The following CACNB4 variants were observed in gnomAD, a reference collection of about 807,000 sequenced individuals.
CACNB4 encodes the protein voltage-dependent L-type calcium channel subunit beta-4.
Under a neutral mutation model 71.2 loss-of-function variants are expected in CACNB4, and 32 were observed. That is an observed-to-expected ratio of 0.45 (90% CI 0.34 to 0.60). The LOEUF is 0.60. CACNB4 is among the 20% of genes least tolerant of loss of function. The pLI, the probability that CACNB4 is intolerant of heterozygous loss-of-function variation, is 0.01. For synonymous variants in CACNB4, 231 were observed against 236.9 expected (o/e 0.97, Z 0.23); for missense variants, 464 against 647.9 (o/e 0.72, Z 3.08).
At chr2:151,869,292 A>G in intron 8 of CACNB4, 57 bp from the exon 9 acceptor site, 4 of 1,010,194 alleles carry the variant, frequency 4.0e-6, no homozygotes, top group Non-Finnish European at 6.1e-6. Flanking sequence ...GAGAGAGAGA[A>G]GTCAAAAGGG....
At chr2:151,985,563 C>A (rs1436993134) in intron 2 of CACNB4, among the ~76,000 whole-genome samples, 1 of 152,116 alleles carries the variant, frequency 6.6e-6, no homozygotes, top group Non-Finnish European at 1.5e-5. Flanking sequence ...ATGTGAAGTA[C>A]CAACTCTCAG....
intron 5 of CACNB4, among the ~76,000 whole-genome samples, chr2:151,875,597 G>T (rs1318616176): frequency 4.7e-5 from 7 of 147,606 alleles, no homozygotes; most frequent in Non-Finnish European, 1.0e-4. Flanking sequence ...TCACCTCCCG[G>T]ACGGGGCGGC....
intron 2 of CACNB4, among the ~76,000 whole-genome samples, chr2:151,961,272 T>A (rs1395839171): frequency 6.6e-6 from 1 of 152,190 alleles, no homozygotes; most frequent in Non-Finnish European, 1.5e-5. Flanking sequence ...AAGACACAAG[T>A]TGGTCTCATT....
At chr2:152,023,363 G>GA (rs1683780062) in intron 2 of CACNB4, among the ~76,000 whole-genome samples, 2 of 151,880 alleles carry the variant, frequency 1.3e-5, no homozygotes, top group African/African-American at 2.4e-5. Context: ...GGAGGCCCAA[G>GA]AAAAATAAAA....
intron 2 of CACNB4, among the ~76,000 whole-genome samples, chr2:151,992,800 T>C (rs1291108290): frequency 1.3e-5 from 2 of 152,224 alleles, no homozygotes; most frequent in South Asian, 2.1e-4. Flanking sequence ...TATGAGCACT[T>C]AGCCAATGTA....
chr2:151,842,201 A>C, intron 12 of CACNB4, 113 bp from the exon 13 acceptor site: 1 of 854,376 alleles, frequency 1.2e-6, no homozygotes, highest in Non-Finnish European at 1.9e-6. Flanking sequence ...GCTAAAATCA[A>C]ATTTGAGGTG....
rs140200418 is a variant in CACNB4 at position 152,029,037 on chromosome 2, G to A, written c.147+69293C>T. On this transcript the variant is annotated intron_variant, in intron 2 of 13. Transcript: ENST00000539935. ...GTTGGTGACATGGAAACAAAGGCATGTTATGGACTGAACTGTGTCCCCTGA... is the reference window on the plus strand; with the variant it reads ...GTTGGTGACATGGAAACAAAGGCATATTATGGACTGAACTGTGTCCCCTGA... Among the ~76,000 whole-genome samples the A allele has an allele frequency of 1.9e-3, 284 of 152,294 alleles. 4 individuals carry two copies. The East Asian group carries it at 0.045, about 24-fold the overall frequency.
At chr2:152,057,111 T>C (rs1409187897) in intron 2 of CACNB4, among the ~76,000 whole-genome samples, 24 of 152,170 alleles carry the variant, frequency 1.6e-4, no homozygotes, top group Admixed American at 1.6e-3. Context: ...AATAGCAGAC[T>C]CTCTCTCACT....
chr2:151,928,207 A>G (rs2099860735), intron 2 of CACNB4, among the ~76,000 whole-genome samples: 1 of 152,236 alleles, frequency 6.6e-6, no homozygotes, highest in Non-Finnish European at 1.5e-5. Flanking sequence ...ATAGTCATGT[A>G]TTGCCTAATT....
rs185851598 is a variant in CACNB4 at position 152,089,037 on chromosome 2, C to T, written c.147+9293G>A. Among the ~76,000 whole-genome samples the T allele has an allele frequency of 1.6e-4, 24 of 152,322 alleles. No homozygotes were observed. The East Asian group carries it at 2.9e-3, about 18-fold the overall frequency. On this transcript the variant is annotated intron_variant, in intron 2 of 13. Transcript: ENST00000539935. The stretch of plus-strand genomic sequence containing the variant: ...TATAATTCAGCTTTTTCATGAATTT[C>T]GGCTTCTACTTACAGTCCTACCTCC...
chr2:151,881,015 T>C, intron 3 of CACNB4, 93 bp from the exon 4 acceptor site: 52 of 1,267,778 alleles, frequency 4.1e-5, no homozygotes, highest in Non-Finnish European at 5.5e-5. Flanking sequence ...TAGTGAGAAA[T>C]AACTTTCCAA....
intron 12 of CACNB4, chr2:151,852,667 T>C (rs1267873053): frequency 1.3e-5 from 2 of 152,266 alleles, no homozygotes; most frequent in East Asian, 3.9e-4. Context: ...TTACAGGTTA[T>C]GCTGTGTTGC....
At chr2:152,002,329 A>G (rs767081887) in intron 2 of CACNB4, among the ~76,000 whole-genome samples, 8 of 152,218 alleles carry the variant, frequency 5.3e-5, no homozygotes, top group Non-Finnish European at 1.2e-4. Context: ...AATTGGGAAT[A>G]TGATTTTTTT....
In CACNB4 at chr2:151,870,556, A is replaced by C. The variant is rs1420562109; in HGVS notation, c.674T>G (p.Val225Gly). 6.2e-7 allele frequency: 1 copy of C among 1,613,868 alleles called. No homozygotes were observed. The highest frequency in any genetic ancestry group is 1.3e-5 in the African/African-American group (1 of 75,044). ...CTCGTAACCTTTCAGTGACGGCCCC[A>C]CTAACACCACCGGACGCATTGACGG... is the stretch of plus-strand genomic sequence containing the variant. The part of the protein sequence containing the change: ...VVPSMRPVVL[V>G]GPSLKGYEVT... The change falls in exon 8 of 14, where the codon GTG becomes GGG. Residue 225 changes from valine (V) to glycine (G), a missense_variant. Physicochemically the swap from Val to Gly is moderately radical, Grantham distance 109. Coordinates refer to ENST00000539935, the MANE Select transcript of CACNB4 (RefSeq NM_000726.5).
chr2:151,857,526 G>A (rs1266910428), intron 10 of CACNB4: 1 of 152,128 alleles, frequency 6.6e-6, no homozygotes, highest in Non-Finnish European at 1.5e-5. Context: ...TCTTCAGAAG[G>A]AAGTTTGGAA....
chr2:152,079,368 G>A (rs1019162863), intron 2 of CACNB4, among the ~76,000 whole-genome samples: 40 of 152,106 alleles, frequency 2.6e-4, no homozygotes, highest in Middle Eastern at 3.4e-3. Flanking sequence ...GATTACAGGC[G>A]TGAGCCACCA....
chr2:151,936,841 A>G (rs1428047510), intron 2 of CACNB4, among the ~76,000 whole-genome samples: 2 of 152,264 alleles, frequency 1.3e-5, no homozygotes. Flanking sequence ...GATTCTGTCT[A>G]ACATGAACCA....
intron 2 of CACNB4, chr2:151,971,704 C>A: frequency 1.5e-6 from 1 of 669,940 alleles, no homozygotes. Flanking sequence ...CATTATTCTT[C>A]CTTATAAAAA....
intron 9 of CACNB4, among the ~76,000 whole-genome samples, chr2:151,863,829 G>A (rs1421487006): frequency 6.6e-6 from 1 of 151,300 alleles, no homozygotes; most frequent in Non-Finnish European, 1.5e-5. Context: ...AAGTTAGTTT[G>A]CTAATACAAG....
Sources: allele counts gnomAD v4.1 joint callset (sites outside exome capture counted in the v4.1 genomes callset), GRCh38; gene constraint gnomAD v4.1.1; transcripts MANE v1.5; gene names NCBI Gene and HGNC (gene_info 2026-07-23, HGNC 2026-07-21).